Variants in NEK9 observed in about 807,000 individuals in gnomAD.
NEK9 encodes serine/threonine-protein kinase Nek9.
A neutral mutation model predicts 123.4 loss-of-function variants in NEK9; 75 were observed. The ratio of observed to expected loss-of-function variants is 0.61; its 90% CI spans 0.50 to 0.74. The LOEUF is 0.74. Among genes scored for constraint, NEK9 ranks in the 30% least tolerant of loss-of-function variants. The probability of loss-of-function intolerance (pLI) is 0.00; values close to 1 mark genes in which losing one functional copy is unlikely to be tolerated. For synonymous variants in NEK9, 438 were observed against 458.7 expected (o/e 0.95, Z 0.58); for missense variants, 952 against 1,214.4 (o/e 0.78, Z 3.21).
chr14:75,100,716 C>T (rs371254748), intron 16 of NEK9, among the ~76,000 whole-genome samples: 57 of 152,242 alleles, frequency 3.7e-4, no homozygotes, highest in African/African-American at 1.3e-3. Flanking sequence ...ATTCTTATAA[C>T]ATTTTACCAA....
In NEK9 at chr14:75,091,271, T is replaced by C; in HGVS notation, c.2441A>G (p.Lys814Arg). 6.2e-7 allele frequency: 1 copy of C among 1,605,920 alleles called. No homozygotes were observed. The highest frequency in any genetic ancestry group is 8.5e-7 in the Non-Finnish European group (1 of 1,177,066). Residue 814 changes from lysine to arginine, a missense_variant and splice_region_variant, in exon 19 of 22, where the codon AAG (lysine) becomes AGG (arginine). Around this residue, in one of 4 missense-constraint regions of NEK9, gnomAD observed 698 missense variants for 875.6 expected, o/e 0.80. Transcript: ENST00000238616. ...ASSSCPGWLR[K>R]ELENAEFIPM... ...AGTTACTTCTTCCAAAGGAATTACC[T>C]TTCGAAGCCAGCCAGGACAGGAGCT... is the stretch of plus-strand genomic sequence containing the variant.
chr14:75,085,054 G>A (rs1006852444), intron 21 of NEK9: 16 of 222,880 alleles, frequency 7.2e-5, no homozygotes, highest in African/African-American at 3.1e-4. Flanking sequence ...TGCTTACGCC[G>A]AAGTGCAGTG....
chr14:75,105,889 A>G (rs1199146498), intron 13 of NEK9, 61 bp downstream of exon 13: 11 of 1,262,598 alleles, frequency 8.7e-6, no homozygotes, highest in East Asian at 2.3e-5. Flanking sequence ...GAAAGAGGAC[A>G]TATTATTGGA....
chr14:75,106,808 A>G (rs1302976894), intron 11 of NEK9, 106 bp from the exon 12 acceptor site: 6 of 788,612 alleles, frequency 7.6e-6, no homozygotes, highest in Non-Finnish European at 8.1e-6. Flanking sequence ...ATGATCTCAC[A>G]TGAATTGATT....
At position 75,113,401 on chromosome 14, in the gene NEK9, A is replaced by G. The variant is rs752637148; in HGVS notation, c.876T>C (p.Asp292=). Reference sequence around the variant, plus strand: ...CATCTGCAGTAGGTCTCTGCTCAGGATCCTAAAAAGTAAAAATAGGGTTAG... The same window carrying G: ...CATCTGCAGTAGGTCTCTGCTCAGGGTCCTAAAAAGTAAAAATAGGGTTAG... ...IQMVHSCLDQ[D]PEQRPTADEL... The change falls in exon 8 of 22, where the codon GAT becomes GAC. Residue 292 remains aspartate (D), a splice_region_variant and synonymous_variant. Coordinates refer to ENST00000238616, the MANE Select transcript of NEK9 (RefSeq NM_033116.6). 2.5e-6 allele frequency: 4 copies of G among 1,611,842 alleles called. No individual in the cohort carries two copies. In the Admixed American group the frequency reaches 6.7e-5, roughly 27 times the overall value.
intron 8 of NEK9, among the ~76,000 whole-genome samples, chr14:75,111,227 ACTTC>A (rs1401083080): frequency 6.6e-6 from 1 of 151,902 alleles, no homozygotes; most frequent in Non-Finnish European, 1.5e-5. Flanking sequence ...ATTTTTCCAG[ACTTC>A]CTTCCTTTTG....
rs1412975038 is a variant in NEK9, at chr14:75,120,634, A to AAC, written c.454-55_454-54insGT. ...AGAAACAAAAAGCTCCATTTAAGTA[A>AAC]ATACACACACACATAAACAAACAAA... On this transcript the variant is annotated intron_variant, in intron 3 of 21. Transcript: ENST00000238616. The AAC allele has an allele frequency of 3.8e-6, 5 of 1,332,538 alleles. No homozygotes were observed. The African/African-American group carries it at 7.3e-5, about 19-fold the overall frequency. 82.5% of individuals were successfully genotyped at this position (1,332,538 alleles called of 1,614,324 possible).
chr14:75,105,323 A>C (rs1481078136), intron 13 of NEK9, among the ~76,000 whole-genome samples: 5 of 151,796 alleles, frequency 3.3e-5, no homozygotes, highest in African/African-American at 1.2e-4. Flanking sequence ...AAAAAAAAAG[A>C]AAACAGAAAA....
chr14:75,113,830 A>C (rs191581201), intron 7 of NEK9, among the ~76,000 whole-genome samples: 1 of 152,320 alleles, frequency 6.6e-6, no homozygotes, highest in Admixed American at 6.5e-5. Context: ...ATAATACTAG[A>C]ACTACACAGC....
intron 6 of NEK9, among the ~76,000 whole-genome samples, chr14:75,115,070 CACATATATACACGTGTGTGT>C (rs1412753126): frequency 1.4e-5 from 2 of 140,220 alleles, no homozygotes; most frequent in East Asian, 2.1e-4. Flanking sequence ...CACGTGTGTG[CACATATATACACGTGTGTGT>C]ACATATATGC....
chr14:75,123,990 G>A (rs773993414), intron 2 of NEK9, 56 bp downstream of exon 2: 3 of 1,380,994 alleles, frequency 2.2e-6, no homozygotes, highest in Middle Eastern at 1.8e-4. Flanking sequence ...TCTCCTCAAC[G>A]TAATTATGAG....
intron 14 of NEK9, among the ~76,000 whole-genome samples, chr14:75,102,424 T>C (rs1894615631): frequency 6.6e-6 from 1 of 152,148 alleles, no homozygotes; most frequent in Non-Finnish European, 1.5e-5. Flanking sequence ...CTCGGCTCAC[T>C]GCAAGCCCCG....
intron 18 of NEK9, among the ~76,000 whole-genome samples, chr14:75,095,090 A>G (rs140984453): frequency 6.6e-6 from 1 of 152,212 alleles, no homozygotes; most frequent in African/African-American, 2.4e-5. Flanking sequence ...TAGAATAGTA[A>G]GGAAAGGAAT....
At chr14:75,086,113 C>T (rs1030694569) in intron 21 of NEK9, among the ~76,000 whole-genome samples, 1 of 151,144 alleles carries the variant, frequency 6.6e-6, no homozygotes, top group South Asian at 2.1e-4. Context: ...CACTTGAACC[C>T]GGGCGGTGGA....
intron 18 of NEK9, among the ~76,000 whole-genome samples, chr14:75,093,509 A>T (rs566311023): frequency 6.6e-6 from 1 of 152,282 alleles, no homozygotes; most frequent in East Asian, 1.9e-4. Context: ...CTGGCTGTAC[A>T]GTGGCGCAAT....
At chr14:75,101,835 GA>G in intron 14 of NEK9, 70 bp from the exon 15 acceptor site, 4 of 1,166,718 alleles carry the variant, frequency 3.4e-6, no homozygotes, top group South Asian at 1.3e-5. Flanking sequence ...GCTGAGAATG[GA>G]AAAAAGTCCT....
chr14:75,123,863 T>C (rs1895423293), intron 2 of NEK9, among the ~76,000 whole-genome samples, 183 bp downstream of exon 2: 1 of 152,102 alleles, frequency 6.6e-6, no homozygotes, highest in Non-Finnish European at 1.5e-5. Context: ...CAGGGGAAAA[T>C]CCCTCTCCTT....
In NEK9 at chr14:75,110,348, A is replaced by T. The variant is rs753386029; in HGVS notation, c.962T>A (p.Leu321Gln). Residue 321 changes from leucine to glutamine, a missense_variant, in exon 9 of 22, where the codon CTG (leucine) becomes CAG (glutamine). By Grantham distance (113) the Leu-to-Gln change is moderately radical. This residue lies in a region of NEK9 where 698 missense variants were observed against 875.6 expected (regional missense o/e 0.80). Transcript: ENST00000238616. ...TGGTCTCTTTGTAGGTGCATTAAGCAGAGTGACTTTTTCCTCCATCTCTCT... is the reference window on the plus strand; with the variant it reads ...TGGTCTCTTTGTAGGTGCATTAAGCTGAGTGACTTTTTCCTCCATCTCTCT... ...RRREMEEKVT[L>Q]LNAPTKRPRS... 6.2e-7 allele frequency: 1 copy of T among 1,613,516 alleles called. No individual in the cohort carries two copies. The highest frequency in any genetic ancestry group is 8.5e-7 in the Non-Finnish European group (1 of 1,179,502).
At chr14:75,124,956 T>TA (rs1895471413) in intron 1 of NEK9, among the ~76,000 whole-genome samples, 1 of 136,022 alleles carries the variant, frequency 7.4e-6, no homozygotes, top group Non-Finnish European at 1.6e-5. Flanking sequence ...TTTTTTTTTT[T>TA]AAGAGATGGG....
Sources: gnomAD v4.1 joint callset for allele counts (sites outside exome capture counted in the v4.1 genomes callset) on GRCh38, gnomAD v4.1.1 for gene constraint, gnomAD v4.1.1 regional missense constraint, MANE v1.5 for transcripts, NCBI Gene and HGNC (gene_info 2026-07-23, HGNC 2026-07-21) for gene names.